The following ATAD3C variants were observed in gnomAD, a reference collection of about 807,000 sequenced individuals.
The protein encoded by ATAD3C is ATPase family AAA domain-containing protein 3C.
ATAD3C carries 38 observed loss-of-function variants against 46.3 expected under a neutral mutation model. The ratio of observed to expected loss-of-function variants is 0.82; its 90% CI spans 0.63 to 1.08. ATAD3C has a LOEUF of 1.08. Ranked by LOEUF, ATAD3C falls within the 50% of genes least tolerant of loss-of-function variation. The probability of loss-of-function intolerance (pLI) is 0.00; values close to 1 mark genes in which losing one functional copy is unlikely to be tolerated. For synonymous variants in ATAD3C, 220 were observed against 236.4 expected (o/e 0.93, Z 0.63); for missense variants, 563 against 572.7 (o/e 0.98, Z 0.17).
chr1:1,453,708 G>A (rs544404814), intron 3 of ATAD3C, among the ~76,000 whole-genome samples: 1 of 149,216 alleles, frequency 6.7e-6, no homozygotes, highest in Admixed American at 6.7e-5. Flanking sequence ...GGCGCAGTCT[G>A]GGCTCACTGC....
chr1:1,467,633 G>A (rs1003435253), intron 11 of ATAD3C, among the ~76,000 whole-genome samples: 3 of 152,056 alleles, frequency 2.0e-5, no homozygotes, highest in Non-Finnish European at 4.4e-5. Context: ...CTAGGGACCC[G>A]CTCAGCTGTC....
rs764999428 is a variant in ATAD3C, at chr1:1,454,458, G to A, written c.336G>A (p.Thr112=). Residue 112 remains threonine, a synonymous_variant, in exon 4 of 12, where the codon ACG becomes ACA. Transcript: ENST00000378785. ...GGAAGCCGTCCCTAGTGAGGGAGAC[G>A]TCCCGCATCACGGTGCTTGAGGCGC... ...RLGKPSLVRE[T]SRITVLEALR... 1.5e-4 allele frequency: 244 copies of A among 1,609,896 alleles called. No homozygotes were observed. The highest frequency in any genetic ancestry group is 1.7e-4 in the Non-Finnish European group (206 of 1,179,274).
chr1:1,458,448 C>CTTT lies in ATAD3C; in HGVS notation c.742-704_742-702dup, dbSNP rs201787085. Among the ~76,000 whole-genome samples the CTTT allele has an allele frequency of 3.4e-4, 50 of 146,876 alleles. 1 individual carries two copies. Among genetic ancestry groups the CTTT allele is most frequent in the African/African-American group, 1.2e-3 (47 of 40,292 alleles). On this transcript the variant is annotated intron_variant, in intron 8 of 11. Coordinates refer to ENST00000378785, the MANE Select transcript of ATAD3C (RefSeq NM_001039211.3). ...TACCACCACACCCAGCTCATTTTGT[C>CTTT]TTTTTTTTTTTACTAGAGACTGGGT...
chr1:1,460,224 C>T (rs1377378868), intron 9 of ATAD3C, among the ~76,000 whole-genome samples: 1 of 151,944 alleles, frequency 6.6e-6, no homozygotes, highest in Non-Finnish European at 1.5e-5. Context: ...AGGCGTGCGC[C>T]ACCACACCCG....
rs770277138 is a variant in ATAD3C at position 1,459,384 on chromosome 1, C to G, written c.812+153C>G. 2.7e-4 allele frequency among the ~76,000 whole-genome samples: 41 copies of G among 151,952 alleles called. 1 individual carries two copies. The highest frequency in any genetic ancestry group is 4.4e-4 in the Non-Finnish European group (30 of 67,972). On this transcript the variant is annotated intron_variant, in intron 9 of 11. Transcript: ENST00000378785. This position sits in a 1 kb window ranked among gnomAD's most constrained non-coding sequence, Gnocchi z 4.9. Reference sequence around the variant, plus strand: ...ACCTTGGATGTCCCCTGGGAACGGCCCAGCTCAGGACAGCACGGGGTGTCA... The same window carrying G: ...ACCTTGGATGTCCCCTGGGAACGGCGCAGCTCAGGACAGCACGGGGTGTCA...
intron 11 of ATAD3C, 112 bp from the exon 12 acceptor site, chr1:1,468,272 C>T: frequency 1.4e-6 from 2 of 1,451,512 alleles, no homozygotes; most frequent in Non-Finnish European, 1.8e-6. Context: ...GTTTCACGCT[C>T]AGGCCATCCT....
intron 8 of ATAD3C, among the ~76,000 whole-genome samples, chr1:1,458,783 T>C (rs1570151818): frequency 6.6e-6 from 1 of 151,144 alleles, no homozygotes; most frequent in Admixed American, 6.6e-5. Context: ...AGTGCAGCGG[T>C]GCCATTTCAG....
At chr1:1,466,333 G>A (rs1025197712) in intron 11 of ATAD3C, among the ~76,000 whole-genome samples, 2 of 151,418 alleles carry the variant, frequency 1.3e-5, no homozygotes, top group African/African-American at 4.8e-5. Context: ...GGGTCATGAG[G>A]TCAGGAGACT....
In ATAD3C at chr1:1,469,112, A is replaced by T. The variant is rs1466299170; in HGVS notation, c.*582A>T. On this transcript the variant is annotated 3_prime_UTR_variant, in exon 12 of 12. Transcript: ENST00000378785. ...CTCCATCTCTCCTAAAAAAAAAAAA[A>T]AAAAAAAAAAAAAAAAAAAAAAAAT... The T allele has an allele frequency of 8.9e-5, 12 of 135,144 alleles. No homozygotes were observed. Among genetic ancestry groups the T allele is most frequent in the African/African-American group, 3.9e-4 (12 of 30,706 alleles). The allele number at this position is 135,144 out of a possible 1,614,324, so 8.4% of individuals were successfully genotyped here.
chr1:1,458,508 G>A (rs984457506), intron 8 of ATAD3C, among the ~76,000 whole-genome samples: 3 of 151,422 alleles, frequency 2.0e-5, no homozygotes, highest in Admixed American at 6.6e-5. Context: ...CCGAACTCCC[G>A]ACCTCAGGTG....
intron 1 of ATAD3C, among the ~76,000 whole-genome samples, chr1:1,451,207 A>AT (rs571462931): frequency 6.0e-5 from 9 of 150,876 alleles, no homozygotes; most frequent in East Asian, 5.8e-4. Context: ...CGCCCAGCTA[A>AT]TTTTTTTTGT....
At chr1:1,468,075 G>T (rs1182927912) in intron 11 of ATAD3C, among the ~76,000 whole-genome samples, 2 of 151,828 alleles carry the variant, frequency 1.3e-5, no homozygotes, top group East Asian at 3.9e-4. Flanking sequence ...CAGAGGGTCT[G>T]CAGTTCCCAC....
At chr1:1,456,186 G>A (rs1638957830) in intron 6 of ATAD3C, 39 bp from the exon 7 acceptor site, 1 of 1,533,066 alleles carries the variant, frequency 6.5e-7, no homozygotes, top group Non-Finnish European at 8.7e-7. Flanking sequence ...AGAGGCGGAG[G>A]GAACATCTGT....
At chr1:1,452,797 CAAA>C (rs150422909) in intron 3 of ATAD3C, among the ~76,000 whole-genome samples, 32 of 126,426 alleles carry the variant, frequency 2.5e-4, no homozygotes, top group African/African-American at 4.4e-4. Flanking sequence ...GGCTCCTTCT[CAAA>C]AAAAAAAAAA....
intron 8 of ATAD3C, among the ~76,000 whole-genome samples, chr1:1,458,601 TTAG>T (rs1320249419): frequency 6.6e-6 from 1 of 151,786 alleles, no homozygotes; most frequent in East Asian, 1.9e-4. Context: ...TTTTGTAATG[TTAG>T]TAGAGATGGA....
At position 1,459,155 on chromosome 1, in the gene ATAD3C, C is replaced by T; in HGVS notation, c.742-6C>T. 5 of 1,610,458 alleles carry T rather than the reference C, an allele frequency of 3.1e-6. No homozygotes were observed. The highest frequency in any genetic ancestry group is 4.2e-6 in the Non-Finnish European group (5 of 1,178,390). On this transcript the variant is annotated splice_region_variant and splice_polypyrimidine_tract_variant and intron_variant, in intron 8 of 11. Transcript: ENST00000378785. The surrounding 1 kb of genome is among the most constrained non-coding windows in gnomAD (Gnocchi z 4.9). The stretch of plus-strand genomic sequence containing the variant: ...GGTGCCTAAGGCTGGAACCTTCTCT[C>T]TGCAGGAGAAGATAAGCGAGGACCT...
intron 11 of ATAD3C, among the ~76,000 whole-genome samples, chr1:1,467,418 C>A (rs1415420070): frequency 6.6e-6 from 1 of 151,980 alleles, no homozygotes; most frequent in Non-Finnish European, 1.5e-5. Context: ...GGCCCCCGAC[C>A]CACAGTGGTG....
chr1:1,457,591 A>G (rs1438938363), intron 8 of ATAD3C, among the ~76,000 whole-genome samples: 2 of 119,946 alleles, frequency 1.7e-5, no homozygotes, highest in Admixed American at 9.5e-5. Context: ...GCGAGACTTC[A>G]TCTCAAAAAA....
rs150422909 is a variant in ATAD3C at position 1,452,797 on chromosome 1, C to CAAA, written c.222+375_222+377dup. Among the ~76,000 whole-genome samples, 8 of 126,434 alleles carry CAAA rather than the reference C, an allele frequency of 6.3e-5. No homozygotes were observed. In the East Asian group the frequency reaches 7.1e-4, roughly 11 times the overall value. 82.9% of individuals were successfully genotyped at this position (126,434 alleles called of 152,430 possible). ...CTTGGGACAGAGCGAGGCTCCTTCT[C>CAAA]AAAAAAAAAAAAAAGAAAGAAAGAA... On this transcript the variant is annotated intron_variant, in intron 3 of 11. Transcript: ENST00000378785.
Sources: gnomAD v4.1 joint callset for allele counts (sites outside exome capture counted in the v4.1 genomes callset) on GRCh38, gnomAD v4.1.1 for gene constraint, Gnocchi (gnomAD v3.1) non-coding constraint, MANE v1.5 for transcripts, NCBI Gene and HGNC (gene_info 2026-07-23, HGNC 2026-07-21) for gene names.